IL1RAPL2: variants seen among roughly 807,000 people sequenced by gnomAD.
IL1RAPL2 encodes the protein X-linked interleukin-1 receptor accessory protein-like 2.
A neutral mutation model predicts 44.1 loss-of-function variants in IL1RAPL2; 3 were observed. That is an observed-to-expected ratio of 0.07 (90% CI 0.03 to 0.18). IL1RAPL2 has a LOEUF of 0.18. IL1RAPL2 is among the 10% of genes least tolerant of loss of function. IL1RAPL2 has a pLI of 1.00. For synonymous variants in IL1RAPL2, 181 were observed against 178.8 expected (o/e 1.01, Z -0.10); for missense variants, 391 against 496.4 (o/e 0.79, Z 2.02).
chrX:104,825,672 G>A (rs1350984284), intron 2 of IL1RAPL2, among the ~76,000 whole-genome samples: 1 of 112,073 alleles, frequency 8.9e-6, no homozygotes, highest in African/African-American at 3.2e-5. Context: ...TGGTGAAGTG[G>A]AGGTCATATT....
intron 6 of IL1RAPL2, among the ~76,000 whole-genome samples, chrX:105,621,728 G>T (rs2037419714): frequency 9.0e-6 from 1 of 111,355 alleles, no homozygotes; most frequent in Non-Finnish European, 1.9e-5. Context: ...ATTTTAAGCT[G>T]TTGCCAGTCA....
At chrX:104,840,387 T>C (rs1602752232) in intron 2 of IL1RAPL2, among the ~76,000 whole-genome samples, 1 of 112,250 alleles carries the variant, frequency 8.9e-6, no homozygotes, top group East Asian at 2.8e-4. Flanking sequence ...GGTGAGTTTC[T>C]TAATCCTGTG....
At chrX:105,589,452 G>C (rs753205739) in intron 6 of IL1RAPL2, among the ~76,000 whole-genome samples, 2 of 110,789 alleles carry the variant, frequency 1.8e-5, no homozygotes, top group African/African-American at 6.5e-5. Context: ...TTGTTGCCAG[G>C]GCCTACATTC....
chrX:105,667,095 A>G (rs908097356), intron 6 of IL1RAPL2, among the ~76,000 whole-genome samples: 1 of 112,354 alleles, frequency 8.9e-6, no homozygotes, highest in Non-Finnish European at 1.9e-5. Context: ...AATGAACCAT[A>G]GCAATCATAG....
intron 6 of IL1RAPL2, among the ~76,000 whole-genome samples, chrX:105,612,530 C>T: frequency 8.9e-6 from 1 of 112,221 alleles, no homozygotes. Flanking sequence ...AGAAAAAGCA[C>T]CTTCATAAAA....
intron 5 of IL1RAPL2, among the ~76,000 whole-genome samples, chrX:105,371,662 C>A (rs2147717788): frequency 8.9e-6 from 1 of 111,742 alleles, no homozygotes; most frequent in Non-Finnish European, 1.9e-5. Context: ...GATGATAGAT[C>A]AATATTATTT....
chrX:105,156,855 G>A (rs1199772792), intron 2 of IL1RAPL2, among the ~76,000 whole-genome samples: 1 of 110,926 alleles, frequency 9.0e-6, no homozygotes, highest in Admixed American at 9.6e-5. Flanking sequence ...ACAATTACAC[G>A]TTACCTTAAA....
At chrX:105,218,249 T>G (rs969976535) in intron 3 of IL1RAPL2, among the ~76,000 whole-genome samples, 27 of 111,482 alleles carry the variant, frequency 2.4e-4, no homozygotes, top group African/African-American at 8.2e-4. Flanking sequence ...ATGATTCCTC[T>G]GTGCCTGTCT....
intron 8 of IL1RAPL2, among the ~76,000 whole-genome samples, chrX:105,745,626 A>G (rs148425462): frequency 0.015 from 1,623 of 111,487 alleles, 35 homozygotes; most frequent in African/African-American, 0.05. Flanking sequence ...GGCCCCATTT[A>G]TGAAAGTTCT....
intron 2 of IL1RAPL2, among the ~76,000 whole-genome samples, chrX:105,081,631 A>G (rs1375278023): frequency 9.0e-6 from 1 of 111,524 alleles, no homozygotes; most frequent in African/African-American, 3.3e-5. Context: ...AATAGTTATT[A>G]TTTTGAGATA....
intron 2 of IL1RAPL2, among the ~76,000 whole-genome samples, chrX:105,150,009 T>C (rs1355451172): frequency 9.0e-6 from 1 of 110,650 alleles, no homozygotes; most frequent in African/African-American, 3.3e-5. Flanking sequence ...TAACACAAGT[T>C]CCTTTCAAAA....
chrX:105,246,459 A>G (rs1250979676), intron 4 of IL1RAPL2, among the ~76,000 whole-genome samples: 1 of 111,647 alleles, frequency 9.0e-6, no homozygotes, highest in Non-Finnish European at 1.9e-5. Context: ...ATCAATATCA[A>G]ATCCATCTCC....
chrX:104,773,700 G>C (rs1932675290), intron 2 of IL1RAPL2, among the ~76,000 whole-genome samples: 1 of 112,273 alleles, frequency 8.9e-6, no homozygotes, highest in South Asian at 3.7e-4. Context: ...ATAACTTCTG[G>C]AGTTGCTACA....
chrX:105,552,708 C>T (rs994439092), intron 6 of IL1RAPL2, among the ~76,000 whole-genome samples: 2 of 111,691 alleles, frequency 1.8e-5, no homozygotes, highest in South Asian at 3.7e-4. Flanking sequence ...TGAATAAGTG[C>T]GAAATGCATT....
At chrX:105,402,629 G>A (rs1457061065) in intron 5 of IL1RAPL2, among the ~76,000 whole-genome samples, 3 of 110,995 alleles carry the variant, frequency 2.7e-5, no homozygotes, top group Non-Finnish European at 1.9e-5. Flanking sequence ...GGGCTGCTTT[G>A]GCTTTGATTA....
intron 6 of IL1RAPL2, among the ~76,000 whole-genome samples, chrX:105,597,452 T>C (rs2037219220): frequency 9.0e-6 from 1 of 111,221 alleles, no homozygotes; most frequent in African/African-American, 3.3e-5. Flanking sequence ...GATGGTAGCA[T>C]CTGCTTGGCT....
intron 6 of IL1RAPL2, among the ~76,000 whole-genome samples, chrX:105,494,984 A>G (rs2036347046): frequency 1.8e-5 from 2 of 112,204 alleles, no homozygotes; most frequent in Admixed American, 1.9e-4. Flanking sequence ...AAGCCCCGGC[A>G]AGGTGGTAAG....
intron 2 of IL1RAPL2, among the ~76,000 whole-genome samples, chrX:104,876,858 T>A (rs1357177935): frequency 9.2e-6 from 1 of 109,111 alleles, no homozygotes; most frequent in Non-Finnish European, 1.9e-5. Context: ...TAGGTATATC[T>A]CCCAATGCTA....
chrX:104,712,219 C>T (rs1209364768), intron 2 of IL1RAPL2, among the ~76,000 whole-genome samples: 1 of 110,774 alleles, frequency 9.0e-6, no homozygotes, highest in Non-Finnish European at 1.9e-5. Context: ...TCTCCCTTTT[C>T]CCTGGAGCAG....
Sources: gnomAD v4.1 joint callset for allele counts (sites outside exome capture counted in the v4.1 genomes callset) on GRCh38, gnomAD v4.1.1 for gene constraint, MANE v1.5 for transcripts, NCBI Gene and HGNC (gene_info 2026-07-23, HGNC 2026-07-21) for gene names.